Variants in SPEF2 observed in about 807,000 individuals in gnomAD.
SPEF2 encodes sperm flagella and cilia-associated protein 2.
In SPEF2, 187 loss-of-function variants were observed where a neutral mutation model predicts 224.6. The ratio of observed to expected loss-of-function variants is 0.83; its 90% confidence interval spans 0.74 to 0.94. The LOEUF is 0.94. Among genes scored for constraint, SPEF2 ranks in the 40% least tolerant of loss-of-function variants. The pLI is 0.00. For missense variants in SPEF2, 2,170 were observed against 2,135.6 expected (o/e 1.02, Z -0.32); for synonymous variants, 715 against 707.3 (o/e 1.01, Z -0.17).
intron 10 of SPEF2, among the ~76,000 whole-genome samples, chr5:35,680,482 A>G (rs1263123412): frequency 6.6e-6 from 1 of 152,210 alleles, no homozygotes; most frequent in Non-Finnish European, 1.5e-5. Flanking sequence ...TTCCGTTCAC[A>G]TATATTGAGC....
intron 14 of SPEF2, among the ~76,000 whole-genome samples, chr5:35,696,082 A>C (rs1755268016): frequency 6.6e-6 from 1 of 152,166 alleles, no homozygotes; most frequent in African/African-American, 2.4e-5. Flanking sequence ...TTTACCATTT[A>C]ATTTATGACT....
At chr5:35,665,638 A>ATT (rs372441774) in intron 8 of SPEF2, among the ~76,000 whole-genome samples, 75 of 150,128 alleles carry the variant, frequency 5.0e-4, no homozygotes, top group African/African-American at 1.7e-3. Flanking sequence ...CTCATGATCC[A>ATT]TTTTTTTTTG....
At chr5:35,734,611 A>C (rs1001352619) in intron 21 of SPEF2, among the ~76,000 whole-genome samples, 3 of 151,998 alleles carry the variant, frequency 2.0e-5, no homozygotes, top group Non-Finnish European at 4.4e-5. Flanking sequence ...TGCCAACTGC[A>C]ATGCTGCTTA....
intron 3 of SPEF2, among the ~76,000 whole-genome samples, chr5:35,642,607 A>G (rs1009434944): frequency 2.0e-5 from 3 of 152,186 alleles, no homozygotes; most frequent in Non-Finnish European, 4.4e-5. Flanking sequence ...TGTGTTATTG[A>G]CTAATTGATA....
In SPEF2 at chr5:35,788,056, A is replaced by AG. The variant is rs1491034418; in HGVS notation, c.4448-4279dup. On this transcript the variant is annotated intron_variant, in intron 30 of 36. Transcript: ENST00000356031. ...TGTGTCGTAAGCATGGAGTGAAGTC[A>AG]GGGGGAAGTCAAGTGAATTTTTTTT... The AG allele has an allele frequency of 5.7e-6, 4 of 702,944 alleles. No homozygotes were observed. The Admixed American group carries it at 8.0e-5, about 14-fold the overall frequency. The allele number at this position is 702,944 out of a possible 1,614,324, so 43.5% of individuals were successfully genotyped here. A position where few individuals can be genotyped will look rare whatever the true frequency, so the allele number is the denominator to read the frequency against.
intron 6 of SPEF2, among the ~76,000 whole-genome samples, chr5:35,652,635 A>G (rs1748368443): frequency 1.3e-5 from 2 of 152,182 alleles, no homozygotes; most frequent in East Asian, 1.9e-4. Flanking sequence ...GCAGACATCA[A>G]CTATTTGCTG....
intron 29 of SPEF2, among the ~76,000 whole-genome samples, chr5:35,776,665 G>T (rs1410965985): frequency 1.3e-5 from 2 of 152,032 alleles, no homozygotes; most frequent in African/African-American, 2.4e-5. Flanking sequence ...TAATCAATGA[G>T]AACCTTATTT....
chr5:35,709,123 T>C lies in SPEF2; in HGVS notation c.2839+2T>C. The stretch of plus-strand genomic sequence containing the variant: ...CTGCAAAAGGAAAACCTCAATCAGG[T>C]GATTGACAGAATGATTTATAATCCT... On this transcript the variant is annotated splice_donor_variant, in intron 19 of 36. Transcript: ENST00000356031. LOFTEE classifies it high-confidence loss of function. 1.9e-6 allele frequency: 3 copies of C among 1,608,556 alleles called. No individual in the cohort carries two copies. The highest frequency in any genetic ancestry group is 1.3e-5 in the African/African-American group (1 of 74,524).
At chr5:35,712,908 A>G (rs998762266) in intron 20 of SPEF2, 22 bp downstream of exon 20, 158 of 1,595,688 alleles carry the variant, frequency 9.9e-5, no homozygotes, top group Non-Finnish European at 1.3e-4. Context: ...AAAAATATAT[A>G]TAATTACATG....
intron 34 of SPEF2, among the ~76,000 whole-genome samples, chr5:35,803,541 A>G (rs1757713617): frequency 6.6e-6 from 1 of 152,150 alleles, no homozygotes; most frequent in South Asian, 2.1e-4. Context: ...TCTCTCTCAC[A>G]CACAGGCCTG....
At chr5:35,791,268 G>A (rs921135996) in intron 30 of SPEF2, among the ~76,000 whole-genome samples, 3 of 152,126 alleles carry the variant, frequency 2.0e-5, no homozygotes, top group Admixed American at 2.0e-4. Context: ...CTGCTGGATG[G>A]CCAATTATAT....
At chr5:35,733,569 G>A (rs1283403215) in intron 21 of SPEF2, among the ~76,000 whole-genome samples, 1 of 152,214 alleles carries the variant, frequency 6.6e-6, no homozygotes, top group Non-Finnish European at 1.5e-5. Flanking sequence ...CTGAGAGATT[G>A]TCTCAGTGCA....
rs529179346 is a variant in SPEF2 at position 35,779,142 on chromosome 5, C to T, written c.4243C>T (p.Arg1415Cys). The T allele has an allele frequency of 1.1e-4, 171 of 1,613,356 alleles. 2 individuals carry two copies. The South Asian group carries it at 1.7e-3, about 16-fold the overall frequency. The change falls in exon 30 of 37, where the codon CGC becomes TGC. Residue 1415 changes from arginine to cysteine, a missense_variant. Physicochemically the swap from Arg to Cys is radical, Grantham distance 180. Coordinates refer to ENST00000356031, the MANE Select transcript of SPEF2 (RefSeq NM_024867.4). ...TACAGAAAAATTAACTGACGTAGCTCGCTATCACATTGAAACATCTACAAA... is the reference window on the plus strand; with the variant it reads ...TACAGAAAAATTAACTGACGTAGCTTGCTATCACATTGAAACATCTACAAA... ...ASTEKLTDVA[R>C]YHIETSTKIQ... is the part of the protein sequence containing the mutation.
intron 29 of SPEF2, among the ~76,000 whole-genome samples, chr5:35,778,127 G>T (rs73747971): frequency 1.3e-5 from 2 of 152,162 alleles, no homozygotes; most frequent in South Asian, 4.1e-4. Flanking sequence ...TGTTCAGTAT[G>T]TGGTATATTT....
In SPEF2 at chr5:35,715,816, C is replaced by CCTTTTTTTTTT. The variant is rs70973054; in HGVS notation, c.2914+2930_2914+2931insCTTTTTTTTTT. On this transcript the variant is annotated intron_variant, in intron 20 of 36. Transcript: ENST00000356031. Reference sequence around the variant, plus strand: ...TCTGTGAAATAGGGGGATATAATTTCTTTTTTTTTTTTTTTTTGAGACAGA... The same window carrying CCTTTTTTTTTT: ...TCTGTGAAATAGGGGGATATAATTTCCTTTTTTTTTTTTTTTTTTTTTTTTTTTGAGACAGA... Among the ~76,000 whole-genome samples, 17 of 117,944 alleles carry CCTTTTTTTTTT rather than the reference C, an allele frequency of 1.4e-4. 4 individuals carry two copies. Among genetic ancestry groups the CCTTTTTTTTTT allele is most frequent in the Non-Finnish European group, 1.5e-4 (9 of 58,968 alleles). 77.4% of individuals were successfully genotyped at this position (117,944 alleles called of 152,430 possible).
At chr5:35,798,458 C>G (rs1171662692) in intron 33 of SPEF2, among the ~76,000 whole-genome samples, 3 of 151,950 alleles carry the variant, frequency 2.0e-5, no homozygotes, top group Non-Finnish European at 4.4e-5. Context: ...TCTTCCCCAG[C>G]TAACTCCCTG....
intron 33 of SPEF2, among the ~76,000 whole-genome samples, chr5:35,796,773 T>A (rs892206027): frequency 6.6e-6 from 1 of 152,298 alleles, no homozygotes; most frequent in African/African-American, 2.4e-5. Context: ...AAGATTCCAG[T>A]TGCAGCCTTA....
At position 35,708,569 on chromosome 5, in the gene SPEF2, A is replaced by ACACCACCACCCTCACCATAACTAT. The variant is rs1740310915; in HGVS notation, c.2666-369_2666-368insCTCACCATAACTATCACCACCACC. ...CACCACTCCTACCATCACCACTACC[A>ACACCACCACCCTCACCATAACTAT]CACCACCACCATCACTACCACCATC... On this transcript the variant is annotated intron_variant, in intron 18 of 36. Coordinates refer to ENST00000356031, the MANE Select transcript of SPEF2 (RefSeq NM_024867.4). Among the ~76,000 whole-genome samples, 2 of 91,580 alleles carry ACACCACCACCCTCACCATAACTAT rather than the reference A, an allele frequency of 2.2e-5. 1 individual carries two copies. The highest frequency in any genetic ancestry group is 8.4e-5 in the African/African-American group (2 of 23,916). The allele number at this position is 91,580 out of a possible 152,430, so 60.1% of individuals were successfully genotyped here.
Position 35,644,539 on chromosome 5 carries a change from A to T in SPEF2, c.585+14A>T. 1.3e-6 allele frequency: 2 copies of T among 1,573,124 alleles called. No individual in the cohort carries two copies. The highest frequency in any genetic ancestry group is 2.4e-5 in the South Asian group (2 of 84,550). ...GATATTGAAAAGGTTCTATAGAACT[A>T]TTTTTTCAGAAATTCATTAGTGCAT... On this transcript the variant is annotated intron_variant, in intron 4 of 36. Transcript: ENST00000356031.
Sources: allele counts gnomAD v4.1 joint callset (sites outside exome capture counted in the v4.1 genomes callset), GRCh38; gene constraint gnomAD v4.1.1; transcripts MANE v1.5; gene names NCBI Gene and HGNC (gene_info 2026-07-23, HGNC 2026-07-21).